THOC2: variants seen among roughly 807,000 people sequenced by gnomAD.
THOC2 encodes the protein THO complex subunit 2, also known as THO complex 2.
THOC2 carries 10 observed loss-of-function variants against 128.4 expected under a neutral mutation model. That is an observed-to-expected ratio of 0.08 (90% CI 0.05 to 0.13). The LOEUF (loss-of-function observed/expected upper bound fraction) is 0.13. Ranked by LOEUF, THOC2 falls within the 10% of genes least tolerant of loss-of-function variation. The pLI is 1.00. For missense variants in THOC2, 535 were observed against 1,155.7 expected (o/e 0.46, Z 7.79); for synonymous variants, 393 against 396.9 (o/e 0.99, Z 0.12).
At chrX:123,700,151 A>C (rs940186439) in intron 4 of THOC2, among the ~76,000 whole-genome samples, 25 of 109,953 alleles carry the variant, frequency 2.3e-4, no homozygotes, top group African/African-American at 6.0e-4. Context: ...AACTTACAGC[A>C]GACTCCCCCT....
chrX:123,676,501 T>G (rs2147836683), intron 8 of THOC2, among the ~76,000 whole-genome samples: 1 of 110,929 alleles, frequency 9.0e-6, no homozygotes, highest in African/African-American at 3.3e-5. Context: ...TAAAAAAAAC[T>G]TACACCAACC....
chrX:123,708,155 A>G (rs2051016729), intron 2 of THOC2, among the ~76,000 whole-genome samples: 3 of 111,629 alleles, frequency 2.7e-5, no homozygotes, highest in Non-Finnish European at 5.6e-5. Context: ...AGCCACAAAA[A>G]GGAACATAAT....
chrX:123,718,000 G>A (rs180937379), intron 1 of THOC2, among the ~76,000 whole-genome samples: 241 of 112,715 alleles, frequency 2.1e-3, no homozygotes, highest in African/African-American at 7.2e-3. Context: ...TGAATCTGTG[G>A]ATGCAGCCAA....
chrX:123,660,068 C>T (rs926263803), intron 12 of THOC2, among the ~76,000 whole-genome samples: 6 of 111,861 alleles, frequency 5.4e-5, no homozygotes, highest in East Asian at 5.6e-4. Flanking sequence ...AATGAGAAAA[C>T]GCAGATTTCT....
chrX:123,651,605 A>G (rs2048358883), intron 12 of THOC2, among the ~76,000 whole-genome samples: 1 of 111,672 alleles, frequency 9.0e-6, no homozygotes, highest in African/African-American at 3.3e-5. Context: ...AAAAAATTAT[A>G]AAGGGGATAT....
rs758665530 is a variant in THOC2, at chrX:123,730,068, G to C, written c.71+2884C>G. Among the ~76,000 whole-genome samples, 189 of 111,740 alleles carry C rather than the reference G, an allele frequency of 1.7e-3. 1 individual carries two copies. The highest frequency in any genetic ancestry group is 0.017 in the South Asian group (46 of 2,727). ...ATCATAAAACTGACTATACTGATTT[G>C]GATCTACTATAATTCAATCCACATT... On this transcript the variant is annotated intron_variant, in intron 1 of 38. Transcript: ENST00000245838.
In THOC2 at chrX:123,620,912, C is replaced by A. The variant is rs762461070; in HGVS notation, c.4270G>T (p.Val1424Leu). 12 of 1,210,530 alleles carry A rather than the reference C, an allele frequency of 9.9e-6. No homozygotes were observed. The highest frequency in any genetic ancestry group is 1.3e-5 in the Non-Finnish European group (12 of 894,823). Residue 1424 changes from valine to leucine, a missense_variant, in exon 32 of 39, where the codon GTA becomes TTA. Physicochemically the swap from Val to Leu is conservative, Grantham distance 32 (BLOSUM62 1). This residue lies in a region of THOC2 where 116 missense variants were observed against 180.0 expected (regional missense o/e 0.64). Coordinates refer to ENST00000245838, the MANE Select transcript of THOC2 (RefSeq NM_001081550.2). ...CTTCCTCAGGCTATACTAACCTTTACTGTGGAGGAATGTGATGGAGAAGGG... is the reference window on the plus strand; with the variant it reads ...CTTCCTCAGGCTATACTAACCTTTAATGTGGAGGAATGTGATGGAGAAGGG... ...THPSPSHSST[V>L]KDSLIELKES...
At chrX:123,730,504 T>C (rs759115654) in intron 1 of THOC2, among the ~76,000 whole-genome samples, 1 of 112,574 alleles carries the variant, frequency 8.9e-6, no homozygotes, top group African/African-American at 3.2e-5. Context: ...AAGCAGCTCT[T>C]CAAACATAAG....
intron 2 of THOC2, among the ~76,000 whole-genome samples, chrX:123,709,467 T>C (rs1000344112): frequency 1.4e-4 from 16 of 110,564 alleles, no homozygotes; most frequent in Non-Finnish European, 2.8e-4. Flanking sequence ...GGCGGGCGCC[T>C]GTAGTCCCGG....
intron 1 of THOC2, among the ~76,000 whole-genome samples, chrX:123,722,096 G>T (rs2051727956): frequency 8.9e-6 from 1 of 112,329 alleles, no homozygotes. Flanking sequence ...TGCTGCCGAT[G>T]ATACGCTTTT....
rs749542467 is a variant in THOC2, at chrX:123,662,402, C to T, written c.1386+3240G>A. On this transcript the variant is annotated intron_variant, in intron 12 of 38. Transcript: ENST00000245838. Reference sequence around the variant, plus strand: ...GAGATCGAGACCATCCTGGCTAACACGGTGAAACCCCATCTCTACTAAAAA... The same window carrying T: ...GAGATCGAGACCATCCTGGCTAACATGGTGAAACCCCATCTCTACTAAAAA... 5.9e-3 allele frequency among the ~76,000 whole-genome samples: 638 copies of T among 108,919 alleles called. 5 individuals are homozygous for T. Among genetic ancestry groups the T allele is most frequent in the Non-Finnish European group, 9.3e-3 (488 of 52,454 alleles). The allele number at this position is 108,919 out of a possible 115,157, so 94.6% of individuals were successfully genotyped here. A position where few individuals can be genotyped will look rare whatever the true frequency, so the allele number is the denominator to read the frequency against.
intron 36 of THOC2, among the ~76,000 whole-genome samples, chrX:123,611,758 A>G (rs1281173526): frequency 9.3e-6 from 1 of 107,194 alleles, no homozygotes; most frequent in Non-Finnish European, 1.9e-5. Flanking sequence ...TGGAGAAAAA[A>G]TTTGCAAATC....
Position 123,650,570 on chromosome X carries a change from G to A in THOC2, c.1387-5195C>T, listed in dbSNP as rs781410231. ...GCTGTATTCAGGAGACCCATCTCAC[G>A]TGCAAAGACACACATAGGCTCAAAA... On this transcript the variant is annotated intron_variant, in intron 12 of 38. Transcript: ENST00000245838. Among the ~76,000 whole-genome samples, 155 of 111,670 alleles carry A rather than the reference G, an allele frequency of 1.4e-3. 1 individual carries two copies. The highest frequency in any genetic ancestry group is 4.7e-3 in the African/African-American group (144 of 30,730).
chrX:123,695,815 T>C (rs2147899607), intron 7 of THOC2, among the ~76,000 whole-genome samples: 1 of 111,250 alleles, frequency 9.0e-6, no homozygotes, highest in South Asian at 3.8e-4. Context: ...ATACAAGGTA[T>C]AGTGACAATA....
intron 38 of THOC2, chrX:123,603,408 G>T (rs111303934): frequency 3.0e-6 from 1 of 338,879 alleles, no homozygotes; most frequent in Non-Finnish European, 5.1e-6. Context: ...TCCTGGAGGC[G>T]ATTTCCTCTC....
intron 33 of THOC2, among the ~76,000 whole-genome samples, chrX:123,616,456 TTGAC>T (rs1295220044): frequency 9.0e-6 from 1 of 111,088 alleles, no homozygotes; most frequent in Non-Finnish European, 1.9e-5. Flanking sequence ...AAAAAAGAAT[TTGAC>T]TGATTTTCAA....
At chrX:123,637,760 G>C (rs755179237) in intron 18 of THOC2, among the ~76,000 whole-genome samples, 2 of 107,266 alleles carry the variant, frequency 1.9e-5, no homozygotes, top group African/African-American at 6.8e-5. Context: ...ACTCCATCTC[G>C]AAAAAAAAAT....
intron 33 of THOC2, among the ~76,000 whole-genome samples, chrX:123,616,426 C>T (rs1448492430): frequency 9.0e-6 from 1 of 111,085 alleles, no homozygotes. Flanking sequence ...TTATTCTTGA[C>T]ATTCGGATCA....
intron 38 of THOC2, among the ~76,000 whole-genome samples, chrX:123,607,166 G>A (rs776994207): frequency 1.8e-5 from 2 of 111,504 alleles, no homozygotes; most frequent in Admixed American, 1.9e-4. Flanking sequence ...AGACTTTAAG[G>A]GCAACAGAAG....
Sources: allele counts gnomAD v4.1 joint callset (sites outside exome capture counted in the v4.1 genomes callset), GRCh38; gene constraint gnomAD v4.1.1; regional missense constraint gnomAD v4.1.1; transcripts MANE v1.5; gene names NCBI Gene and HGNC (gene_info 2026-07-23, HGNC 2026-07-21).